Variants in FBN1 observed in about 807,000 individuals in gnomAD.
FBN1 encodes the protein fibrillin 1, also known as fibrillin-1.
A neutral mutation model predicts 365.1 loss-of-function variants in FBN1; 29 were observed. That is an observed-to-expected ratio of 0.08 (90% CI 0.06 to 0.11). FBN1 has a LOEUF of 0.11. Among genes scored for constraint, FBN1 ranks in the 10% least tolerant of loss-of-function variants. FBN1 has a pLI of 1.00. For synonymous variants in FBN1, 1,210 were observed against 1,270.5 expected, an observed-to-expected ratio of 0.95 and a Z score of 1.01; for missense variants, 2,476 against 3,703.2, an observed-to-expected ratio of 0.67 and a Z score of 8.60.
intron 36 of FBN1, among the ~76,000 whole-genome samples, chr15:48,469,813 T>A (rs1224347152): frequency 3.3e-5 from 5 of 151,916 alleles, no homozygotes; most frequent in Admixed American, 3.3e-4. Context: ...CCCAGCCTGG[T>A]CTCGTAATAG....
chr15:48,454,504 T>C (rs917339075), intron 44 of FBN1, among the ~76,000 whole-genome samples: 5 of 152,328 alleles, frequency 3.3e-5, no homozygotes, highest in Non-Finnish European at 7.3e-5. Context: ...TTCAAATTCA[T>C]GGCATCACAA....
At chr15:48,444,498 A>G in intron 49 of FBN1, 43 bp downstream of exon 49, 1 of 1,611,094 alleles carries the variant, frequency 6.2e-7, no homozygotes, top group Non-Finnish European at 8.5e-7. Flanking sequence ...AGTCCAGTGG[A>G]CACCCGACAC....
chr15:48,420,591 C>T, intron 63 of FBN1, 96 bp downstream of exon 63: 1 of 1,522,760 alleles, frequency 6.6e-7, no homozygotes, highest in Non-Finnish European at 9.1e-7. Flanking sequence ...GTATTTGTTG[C>T]TTCAATAACA....
chr15:48,422,012 T>C lies in FBN1; in HGVS notation c.7510A>G (p.Ile2504Val). 4.3e-6 allele frequency: 7 copies of C among 1,614,136 alleles called. No individual in the cohort carries two copies. Among genetic ancestry groups the C allele is most frequent in the Non-Finnish European group, 5.9e-6 (7 of 1,179,968 alleles). Residue 2504 changes from isoleucine (I) to valine (V), a missense_variant, in exon 61 of 66, where the codon ATT becomes GTT. Transcript: ENST00000316623. The part of the protein sequence containing the change: ...HNCQFLCVNT[I>V]GGFTCKCPPG... ...GGACATTTGCATGTGAAGCCGCCAA[T>C]GGTGTTAACACATAGGAACTGGCAG... is the stretch of plus-strand genomic sequence containing the variant.
At chr15:48,602,666 C>A (rs185256499) in intron 4 of FBN1, among the ~76,000 whole-genome samples, 2 of 152,254 alleles carry the variant, frequency 1.3e-5, no homozygotes, top group East Asian at 3.9e-4. Flanking sequence ...TGAAATCAAG[C>A]AACCCCGGAA....
chr15:48,528,467 T>A (rs1261800129), intron 8 of FBN1, among the ~76,000 whole-genome samples: 1 of 152,248 alleles, frequency 6.6e-6, no homozygotes, highest in East Asian at 1.9e-4. Flanking sequence ...GGCCTGATTC[T>A]ATACCTCTGG....
chr15:48,603,633 T>C (rs2044584162), intron 4 of FBN1, among the ~76,000 whole-genome samples: 1 of 152,220 alleles, frequency 6.6e-6, no homozygotes, highest in Admixed American at 6.5e-5. Flanking sequence ...GTTCTACGTC[T>C]CTTAAAAAAG....
chr15:48,600,688 G>T (rs2044557233), intron 4 of FBN1, among the ~76,000 whole-genome samples: 1 of 152,168 alleles, frequency 6.6e-6, no homozygotes, highest in African/African-American at 2.4e-5. Flanking sequence ...CTGAGTGACA[G>T]AGCGAGCGAA....
At chr15:48,483,693 G>T (rs2043483686) in intron 31 of FBN1, 125 bp downstream of exon 31, 4 of 1,063,830 alleles carry the variant, frequency 3.8e-6, no homozygotes, top group Admixed American at 1.9e-5. Flanking sequence ...TATGAGTATT[G>T]TGCCTCTAAA....
chr15:48,499,190 T>C (rs1318709400), intron 17 of FBN1, 152 bp from the exon 18 acceptor site: 1 of 763,340 alleles, frequency 1.3e-6, no homozygotes, highest in African/African-American at 1.7e-5. Context: ...GAGTCACCTT[T>C]ACACCAGGCT....
rs193922232 is a variant in FBN1, at chr15:48,425,415, T to C, written c.7407A>G (p.Ser2469=). 2.5e-6 allele frequency: 4 copies of C among 1,614,212 alleles called. No individual in the cohort carries two copies. Among genetic ancestry groups the C allele is most frequent in the Non-Finnish European group, 3.4e-6 (4 of 1,180,014 alleles). Residue 2469 remains serine, a synonymous_variant, in exon 60 of 66, where the codon TCA becomes TCG. Coordinates refer to ENST00000316623, the MANE Select transcript of FBN1 (RefSeq NM_000138.5). ...CKNTEGSYQC[S]CPKGYILQED... ...CTTGCAGAATGTAGCCTTTCGGGCA[T>C]GAACACTGGTAACTCCCTTCTGTGT...
At chr15:48,617,985 T>C (rs368387334) in intron 2 of FBN1, among the ~76,000 whole-genome samples, 1 of 152,222 alleles carries the variant, frequency 6.6e-6, no homozygotes, top group South Asian at 2.1e-4. Context: ...TCTCAACATA[T>C]TTGTTAGTGA....
intron 54 of FBN1, among the ~76,000 whole-genome samples, chr15:48,433,499 A>T (rs2043039690): frequency 6.6e-6 from 1 of 152,216 alleles, no homozygotes; most frequent in Admixed American, 6.5e-5. Context: ...CTTCTGCCCA[A>T]GCAAATAGTG....
intron 6 of FBN1, among the ~76,000 whole-genome samples, chr15:48,538,710 G>T (rs960508299): frequency 6.6e-6 from 1 of 152,106 alleles, no homozygotes; most frequent in South Asian, 2.1e-4. Context: ...ATCCATTTCC[G>T]TGGTTCTACA....
At chr15:48,594,038 C>G (rs1457292705) in intron 6 of FBN1, among the ~76,000 whole-genome samples, 2 of 152,146 alleles carry the variant, frequency 1.3e-5, no homozygotes, top group East Asian at 3.8e-4. Flanking sequence ...TCTGTCCTGA[C>G]TCGGTATCAG....
chr15:48,416,157 G>A (rs1351366953), intron 63 of FBN1, among the ~76,000 whole-genome samples: 1 of 152,140 alleles, frequency 6.6e-6, no homozygotes, highest in Non-Finnish European at 1.5e-5. Context: ...GGGTTCAAGG[G>A]GGGAGGAAAG....
chr15:48,548,270 T>C (rs1270274792), intron 6 of FBN1, among the ~76,000 whole-genome samples: 1 of 152,176 alleles, frequency 6.6e-6, no homozygotes, highest in East Asian at 1.9e-4. Context: ...CATACAGATT[T>C]CGATATTCTG....
In FBN1 at chr15:48,623,994, C is replaced by CAT. The variant is rs1555406255; in HGVS notation, c.165-10903_165-10902insAT. ...ACACACACACACACACACACACACA[C>CAT]ACGCACAGCCTAAGAAAATTAGGAA... On this transcript the variant is annotated intron_variant, in intron 2 of 65. Coordinates refer to ENST00000316623, the MANE Select transcript of FBN1 (RefSeq NM_000138.5). Among the ~76,000 whole-genome samples the CAT allele has an allele frequency of 2.2e-4, 33 of 151,636 alleles. 1 individual carries two copies. The East Asian group carries it at 4.3e-3, about 20-fold the overall frequency.
intron 2 of FBN1, among the ~76,000 whole-genome samples, chr15:48,617,766 C>G (rs910138033): frequency 6.6e-6 from 1 of 152,180 alleles, no homozygotes; most frequent in Non-Finnish European, 1.5e-5. Flanking sequence ...CTGGCCTCTA[C>G]CACGTCTGAC....
Sources: allele counts gnomAD v4.1 joint callset (sites outside exome capture counted in the v4.1 genomes callset), GRCh38; gene constraint gnomAD v4.1.1; transcripts MANE v1.5; gene names NCBI Gene and HGNC (gene_info 2026-07-23, HGNC 2026-07-21).